Variants in ASIC2 observed in about 807,000 individuals in gnomAD.
The protein encoded by ASIC2 is acid sensing ion channel subunit 2, also known as acid-sensing ion channel 2.
In ASIC2, 25 loss-of-function variants were observed where a neutral mutation model predicts 57.3. The observed-to-expected ratio is 0.44, with a 90% CI of 0.32 to 0.61. The LOEUF is 0.61. ASIC2 is among the 20% of genes least tolerant of loss of function. The pLI, the probability that ASIC2 is intolerant of heterozygous loss-of-function variation, is 0.06. For synonymous variants in ASIC2, 319 were observed against 307.5 expected (o/e 1.04, Z -0.39); for missense variants, 641 against 738.1 (o/e 0.87, Z 1.52).
chr17:34,039,298 T>G (rs1447955325), intron 1 of ASIC2: 1 of 1,613,858 alleles, frequency 6.2e-7, no homozygotes, highest in African/African-American at 1.3e-5. Context: ...GCAGGAATGC[T>G]CTGTGTTGCC....
intron 1 of ASIC2, among the ~76,000 whole-genome samples, chr17:33,491,297 C>G (rs1012369031): frequency 6.6e-6 from 1 of 152,170 alleles, no homozygotes; most frequent in Non-Finnish European, 1.5e-5. Flanking sequence ...TTCCTCCCCT[C>G]GGCTCTAACA....
At chr17:33,421,960 C>A (rs955671236) in intron 1 of ASIC2, among the ~76,000 whole-genome samples, 2 of 152,150 alleles carry the variant, frequency 1.3e-5, no homozygotes, top group Non-Finnish European at 2.9e-5. Context: ...AGTTTGGGGG[C>A]GCCAGCCTTT....
chr17:33,405,115 G>T (rs1476364367), intron 1 of ASIC2, among the ~76,000 whole-genome samples: 1 of 151,930 alleles, frequency 6.6e-6, no homozygotes, highest in African/African-American at 2.4e-5. Flanking sequence ...CTGCTCAGCT[G>T]CATGCCTCTC....
At chr17:34,095,205 G>C (rs1023546681) in intron 1 of ASIC2, among the ~76,000 whole-genome samples, 9 of 152,300 alleles carry the variant, frequency 5.9e-5, no homozygotes, top group African/African-American at 2.2e-4. Flanking sequence ...TCAGAGGGTA[G>C]GGGATAAAAT....
chr17:33,892,681 C>T (rs983287479), intron 1 of ASIC2, among the ~76,000 whole-genome samples: 1 of 152,186 alleles, frequency 6.6e-6, no homozygotes. Flanking sequence ...TCCTTCTCTC[C>T]AACACAGTTC....
chr17:33,551,255 A>G (rs1040001618), intron 1 of ASIC2, among the ~76,000 whole-genome samples: 10 of 151,966 alleles, frequency 6.6e-5, no homozygotes, highest in African/African-American at 2.4e-4. Flanking sequence ...TGAGCAGGAG[A>G]GTGTTGTGCA....
At chr17:33,798,886 C>G (rs1265988020) in intron 1 of ASIC2, among the ~76,000 whole-genome samples, 1 of 152,130 alleles carries the variant, frequency 6.6e-6, no homozygotes, top group Non-Finnish European at 1.5e-5. Context: ...GAGCCTGGCA[C>G]AGCTGTGGGC....
chr17:33,874,638 C>T (rs1914507224), intron 1 of ASIC2, among the ~76,000 whole-genome samples: 1 of 152,178 alleles, frequency 6.6e-6, no homozygotes, highest in South Asian at 2.1e-4. Context: ...GATGGTAACC[C>T]CTTTCTTCAT....
chr17:33,927,323 A>G (rs1915844459), intron 1 of ASIC2, among the ~76,000 whole-genome samples: 1 of 152,150 alleles, frequency 6.6e-6, no homozygotes, highest in Non-Finnish European at 1.5e-5. Flanking sequence ...TGTCCTCCCA[A>G]AATTCTTATG....
At chr17:33,312,201 G>A (rs1906457027) in intron 1 of ASIC2, among the ~76,000 whole-genome samples, 1 of 152,170 alleles carries the variant, frequency 6.6e-6, no homozygotes, top group African/African-American at 2.4e-5. Context: ...AGCAATATAG[G>A]TAACCTGTTA....
At chr17:33,745,986 C>T (rs996892468) in intron 1 of ASIC2, among the ~76,000 whole-genome samples, 2 of 152,102 alleles carry the variant, frequency 1.3e-5, no homozygotes, top group East Asian at 1.9e-4. Flanking sequence ...TGCATTGTTG[C>T]ACCTGTAATA....
intron 1 of ASIC2, among the ~76,000 whole-genome samples, chr17:33,478,816 T>G (rs1341403637): frequency 3.3e-5 from 5 of 152,332 alleles, no homozygotes; most frequent in African/African-American, 1.2e-4. Flanking sequence ...TTAAAATCTT[T>G]GTTTTTACTC....
chr17:33,036,243 C>T (rs2091908013), intron 3 of ASIC2, among the ~76,000 whole-genome samples: 1 of 151,996 alleles, frequency 6.6e-6, no homozygotes, highest in African/African-American at 2.4e-5. Flanking sequence ...GATGAGGAAA[C>T]TGAGTTTCAG....
At chr17:33,415,159 C>T (rs999261729) in intron 1 of ASIC2, among the ~76,000 whole-genome samples, 3 of 149,714 alleles carry the variant, frequency 2.0e-5, no homozygotes, top group African/African-American at 7.3e-5. Context: ...TTGGTTAAAA[C>T]ATGACACTTG....
intron 1 of ASIC2, among the ~76,000 whole-genome samples, chr17:33,218,939 G>A (rs532559713): frequency 6.6e-6 from 1 of 152,310 alleles, no homozygotes; most frequent in South Asian, 2.1e-4. Flanking sequence ...GTGGAAGGGA[G>A]AGCTGAACTG....
chr17:33,566,920 T>C lies in ASIC2; in HGVS notation c.556-454853A>G, dbSNP rs551044076. Among the ~76,000 whole-genome samples the C allele has an allele frequency of 8.2e-4, 125 of 152,250 alleles. 2 individuals are homozygous for C. Among genetic ancestry groups the C allele is most frequent in the African/African-American group, 2.9e-3 (121 of 41,534 alleles). The stretch of plus-strand genomic sequence containing the variant: ...TTCCATATCTTCCTGCCTTGGTTTG[T>C]GCTATTCCCTCTGCTTGGAATGCCC... On this transcript the variant is annotated intron_variant, in intron 1 of 9. Coordinates refer to the ASIC2 transcript ENST00000359872.
chr17:33,209,732 A>G lies in ASIC2; in HGVS notation c.708+81676T>C, dbSNP rs563491212. On this transcript the variant is annotated intron_variant, in intron 1 of 9. Coordinates refer to ENST00000225823, the MANE Select transcript of ASIC2 (RefSeq NM_183377.2). ...GCCCCATAAATATTGGTTGGGCAAC[A>G]GCATGAATACATGAGTGAATAGTGA... is the stretch of plus-strand genomic sequence containing the variant. Among the ~76,000 whole-genome samples, 3 of 152,354 alleles carry G rather than the reference A, an allele frequency of 2.0e-5. No individual in the cohort carries two copies. The South Asian group carries it at 6.2e-4, about 32-fold the overall frequency.
intron 1 of ASIC2, among the ~76,000 whole-genome samples, chr17:33,601,740 T>G (rs1255000918): frequency 6.6e-6 from 1 of 152,160 alleles, no homozygotes; most frequent in Non-Finnish European, 1.5e-5. Context: ...CTCCAACCTG[T>G]GAGAGAATGA....
At position 33,126,545 on chromosome 17, in the gene ASIC2, G is replaced by A. The variant is rs181143171; in HGVS notation, c.709-14478C>T. On this transcript the variant is annotated intron_variant, in intron 1 of 9. Coordinates refer to ENST00000225823, the MANE Select transcript of ASIC2 (RefSeq NM_183377.2). ...CACGCCTATAATCCCAGCACTTTGG[G>A]AGGCTGAGGTGGGGAGATCACTTAG... 2.6e-3 allele frequency among the ~76,000 whole-genome samples: 393 copies of A among 152,258 alleles called. 2 individuals carry two copies. The highest frequency in any genetic ancestry group is 9.1e-3 in the African/African-American group (378 of 41,550).
Sources: gnomAD v4.1 joint callset for allele counts (sites outside exome capture counted in the v4.1 genomes callset) on GRCh38, gnomAD v4.1.1 for gene constraint, MANE v1.5 for transcripts, NCBI Gene and HGNC (gene_info 2026-07-23, HGNC 2026-07-21) for gene names.